Variants in MSL2 observed in about 807,000 individuals in gnomAD.
MSL2 encodes MSL complex subunit 2, also known as E3 ubiquitin-protein ligase MSL2.
Under a neutral mutation model 35.8 loss-of-function variants are expected in MSL2, and 2 were observed. That is an observed-to-expected ratio of 0.06 (90% CI 0.02 to 0.18). MSL2 has a LOEUF of 0.18. Ranked by LOEUF, MSL2 falls within the 10% of genes least tolerant of loss-of-function variation. The pLI is 1.00. For synonymous variants in MSL2, 296 were observed against 255.7 expected (o/e 1.16, Z -1.50); for missense variants, 523 against 706.7 (o/e 0.74, Z 2.95).
In MSL2 at chr3:136,195,881, G is replaced by C. The variant is rs1198120314; in HGVS notation, c.-768C>G. 1 of 934,520 alleles carries C rather than the reference G, an allele frequency of 1.1e-6. No homozygotes were observed. The highest frequency in any genetic ancestry group is 4.9e-5 in the South Asian group (1 of 20,268). The allele number at this position is 934,520 out of a possible 1,614,324, so 57.9% of individuals were successfully genotyped here. On this transcript the variant is annotated 5_prime_UTR_variant, in exon 1 of 2. Coordinates refer to ENST00000309993, the MANE Select transcript of MSL2 (RefSeq NM_018133.4). Reference sequence around the variant, plus strand: ...CGCCGGCGGGCGGGAGGGGGCGGGGGGCAAGCCCGGCCGGGCCGCGGCGGC... The same window carrying C: ...CGCCGGCGGGCGGGAGGGGGCGGGGCGCAAGCCCGGCCGGGCCGCGGCGGC...
intron 1 of MSL2, among the ~76,000 whole-genome samples, chr3:136,176,705 A>G (rs574053354): frequency 6.6e-6 from 1 of 151,470 alleles, no homozygotes; most frequent in African/African-American, 2.4e-5. Context: ...GGTGGCACAC[A>G]CCCTTCTCTC....
intron 1 of MSL2, among the ~76,000 whole-genome samples, chr3:136,189,135 AAC>A (rs1553768116): frequency 1.1e-4 from 13 of 121,698 alleles, no homozygotes; most frequent in Admixed American, 2.4e-4. Flanking sequence ...AAAAAAAAAA[AAC>A]ACACACACAA....
At chr3:136,194,113 C>T (rs1940765999) in intron 1 of MSL2, among the ~76,000 whole-genome samples, 1 of 152,208 alleles carries the variant, frequency 6.6e-6, no homozygotes, top group Non-Finnish European at 1.5e-5. Flanking sequence ...TTAAGTGGAG[C>T]ATGCATATTA....
intron 1 of MSL2, among the ~76,000 whole-genome samples, chr3:136,184,534 C>T (rs547426400): frequency 5.0e-4 from 76 of 151,414 alleles, no homozygotes; most frequent in African/African-American, 1.7e-3. Context: ...ACCCAGGAGG[C>T]GGAGGTTGCA....
chr3:136,167,282 T>C (rs1939878354), intron 1 of MSL2, among the ~76,000 whole-genome samples: 1 of 151,688 alleles, frequency 6.6e-6, no homozygotes, highest in Non-Finnish European at 1.5e-5. Flanking sequence ...GAAATCCCAA[T>C]GAAAATTTCA....
In MSL2 at chr3:136,157,578, AAAAT is replaced by A. The variant is rs759346305; in HGVS notation, c.143-4844_143-4841del. On this transcript the variant is annotated intron_variant, in intron 1 of 1. Transcript: ENST00000309993. ...AGAGAAAGCAGAAAAACCAAAGAGAAAAATAAATAACACCAAAAGTTGGTTGTTT... is the reference window on the plus strand; with the variant it reads ...AGAGAAAGCAGAAAAACCAAAGAGAAAAATAACACCAAAAGTTGGTTGTTT... Among the ~76,000 whole-genome samples the A allele has an allele frequency of 7.2e-5, 11 of 152,244 alleles. No homozygotes were observed. In the South Asian group the frequency reaches 1.2e-3, roughly 17 times the overall value.
chr3:136,154,679 GA>G (rs1341827594), intron 1 of MSL2, among the ~76,000 whole-genome samples: 1 of 152,198 alleles, frequency 6.6e-6, no homozygotes, highest in Non-Finnish European at 1.5e-5. Context: ...TTTACCAAAT[GA>G]AAACACCACA....
chr3:136,153,569 C>T (rs571991932), intron 1 of MSL2, among the ~76,000 whole-genome samples: 1 of 152,038 alleles, frequency 6.6e-6, no homozygotes, highest in African/African-American at 2.4e-5. Flanking sequence ...GGGCGGATCA[C>T]CTGAGGTCAG....
At chr3:136,170,575 C>T (rs946706658) in intron 1 of MSL2, among the ~76,000 whole-genome samples, 3 of 123,346 alleles carry the variant, frequency 2.4e-5, no homozygotes, top group Non-Finnish European at 3.2e-5. Flanking sequence ...AGTGCAGTGG[C>T]GTGATCTCGG....
chr3:136,172,906 G>C (rs1275380753), intron 1 of MSL2, among the ~76,000 whole-genome samples: 3 of 152,168 alleles, frequency 2.0e-5, no homozygotes, highest in African/African-American at 4.8e-5. Flanking sequence ...GCTCACACCT[G>C]TAATCCCAGT....
chr3:136,158,609 G>A lies in MSL2; in HGVS notation c.143-5871C>T, dbSNP rs186210622. Among the ~76,000 whole-genome samples, 29 of 152,096 alleles carry A rather than the reference G, an allele frequency of 1.9e-4. No homozygotes were observed. In the East Asian group the frequency reaches 4.8e-3, roughly 25 times the overall value. On this transcript the variant is annotated intron_variant, in intron 1 of 1. Transcript: ENST00000309993. ...TTCAAAATTGTACTTGTTCTAGCTG[G>A]TGCAGTAAGGTTCAAAAGGAAAAGA...
chr3:136,181,642 G>A (rs1468681382), intron 1 of MSL2, among the ~76,000 whole-genome samples: 1 of 152,068 alleles, frequency 6.6e-6, no homozygotes, highest in Non-Finnish European at 1.5e-5. Context: ...AACTTGGCCG[G>A]GCGCGGTGGT....
chr3:136,183,225 T>C (rs1352695454), intron 1 of MSL2, among the ~76,000 whole-genome samples: 3 of 150,944 alleles, frequency 2.0e-5, no homozygotes, highest in Non-Finnish European at 4.4e-5. Context: ...ACCCAGAAAA[T>C]GAAAGATGAT....
chr3:136,195,344 G>C lies in MSL2; in HGVS notation c.-231C>G. The C allele has an allele frequency of 7.6e-7, 1 of 1,316,782 alleles. No homozygotes were observed. 81.6% of individuals were successfully genotyped at this position (1,316,782 alleles called of 1,614,324 possible). On this transcript the variant is annotated 5_prime_UTR_variant, in exon 1 of 2. Transcript: ENST00000309993. ...TGAGACTTCCAGACCAAAAATATGA[G>C]AGAGAAACCAGCGTTCGAGTTCGTC...
intron 1 of MSL2, among the ~76,000 whole-genome samples, chr3:136,181,884 A>C (rs1576372401): frequency 6.6e-6 from 1 of 151,936 alleles, no homozygotes; most frequent in Non-Finnish European, 1.5e-5. Context: ...GTGTCACTGC[A>C]CTCCAGCCTC....
At chr3:136,158,049 C>G (rs180671948) in intron 1 of MSL2, among the ~76,000 whole-genome samples, 1 of 152,202 alleles carries the variant, frequency 6.6e-6, no homozygotes, top group Admixed American at 6.5e-5. Context: ...CAGTGGCTCA[C>G]GCCTGTAATC....
chr3:136,193,153 T>G (rs1050059687), intron 1 of MSL2, among the ~76,000 whole-genome samples: 1 of 152,194 alleles, frequency 6.6e-6, no homozygotes, highest in African/African-American at 2.4e-5. Context: ...TTAAATGTAG[T>G]GGGTTTTTTT....
chr3:136,172,076 G>GC (rs1300091520), intron 1 of MSL2, among the ~76,000 whole-genome samples: 5 of 152,100 alleles, frequency 3.3e-5, no homozygotes, highest in Admixed American at 2.6e-4. Flanking sequence ...CTCCCAAAGG[G>GC]CTGGGATTAC....
At chr3:136,167,677 T>C (rs183160451) in intron 1 of MSL2, among the ~76,000 whole-genome samples, 47 of 152,274 alleles carry the variant, frequency 3.1e-4, no homozygotes, top group African/African-American at 1.1e-3. Flanking sequence ...CACATGCAGG[T>C]GATTTATAAT....
Sources: allele counts gnomAD v4.1 joint callset (sites outside exome capture counted in the v4.1 genomes callset), GRCh38; gene constraint gnomAD v4.1.1; transcripts MANE v1.5; gene names NCBI Gene and HGNC (gene_info 2026-07-23, HGNC 2026-07-21).